The following PPM1H variants were observed in gnomAD, a reference collection of about 807,000 sequenced individuals.
PPM1H encodes protein phosphatase, Mg2+/Mn2+ dependent 1H, also known as protein phosphatase 1H.
In PPM1H, 27 loss-of-function variants were observed where a neutral mutation model predicts 54.9. That is an observed-to-expected ratio of 0.49 (90% CI 0.36 to 0.68). PPM1H has a LOEUF of 0.68. PPM1H is among the 30% of genes least tolerant of loss of function. The pLI is 0.00. For synonymous variants in PPM1H, 305 were observed against 270.8 expected, an observed-to-expected ratio of 1.13 and a Z score of -1.24; for missense variants, 596 against 667.8, an observed-to-expected ratio of 0.89 and a Z score of 1.19.
rs1328918144 is a variant in PPM1H, at chr12:62,804,674, TTC to T, written c.412-2516_412-2515del. Among the ~76,000 whole-genome samples the T allele has an allele frequency of 2.2e-3, 310 of 142,136 alleles. 12 individuals are homozygous for T. Among genetic ancestry groups the T allele is most frequent in the African/African-American group, 5.9e-3 (217 of 36,962 alleles). The allele number at this position is 142,136 out of a possible 152,430, so 93.2% of individuals were successfully genotyped here. ...TTCATTTTGGTTAATTTCTTTTTTT[TTC>T]TTTTTTTTTTTTTTTTTGAGACGGA... On this transcript the variant is annotated intron_variant, in intron 2 of 9. Coordinates refer to ENST00000228705, the MANE Select transcript of PPM1H (RefSeq NM_020700.2).
chr12:62,822,375 T>A (rs1176656887), intron 2 of PPM1H, among the ~76,000 whole-genome samples: 1 of 152,182 alleles, frequency 6.6e-6, no homozygotes, highest in Non-Finnish European at 1.5e-5. Context: ...TATCCAGGAC[T>A]TGAACTCAGC....
At position 62,788,275 on chromosome 12, in the gene PPM1H, C is replaced by T. The variant is rs149789565; in HGVS notation, c.820G>A (p.Val274Met). 2 of 1,599,506 alleles carry T rather than the reference C, an allele frequency of 1.3e-6. No homozygotes were observed. The highest frequency in any genetic ancestry group is 2.2e-5 in the East Asian group (1 of 44,568). Residue 274 changes from valine to methionine, a missense_variant, in exon 4 of 10, where the codon GTG (valine) becomes ATG (methionine). Val to Met is a conservative substitution (Grantham distance 21). Transcript: ENST00000228705. ...TACAGCTTCCCCAAAAGGCAAATCACAATGAGGGCCGTGCAGCCACCAGAT... is the reference window on the plus strand; with the variant it reads ...TACAGCTTCCCCAAAAGGCAAATCATAATGAGGGCCGTGCAGCCACCAGAT... Reference protein sequence around the residue: ...NISGGCTALIVICLLGKLYVA... With the variant: ...NISGGCTALIMICLLGKLYVA...
chr12:62,912,931 C>T (rs1321242163), intron 1 of PPM1H, among the ~76,000 whole-genome samples: 2 of 152,162 alleles, frequency 1.3e-5, no homozygotes, highest in Non-Finnish European at 2.9e-5. Flanking sequence ...TCCACAGGCA[C>T]GGAGTATCCA....
At chr12:62,775,443 C>A (rs996778489) in intron 4 of PPM1H, among the ~76,000 whole-genome samples, 7 of 152,172 alleles carry the variant, frequency 4.6e-5, no homozygotes, top group African/African-American at 1.7e-4. Context: ...TAAGATTCTA[C>A]CAGAAAGCGT....
At chr12:62,932,078 CTGACTT>C (rs1872155001) in intron 1 of PPM1H, among the ~76,000 whole-genome samples, 1 of 147,456 alleles carries the variant, frequency 6.8e-6, no homozygotes, top group Non-Finnish European at 1.5e-5. Flanking sequence ...GGAAGAGGGG[CTGACTT>C]TTTTTTTTTT....
intron 1 of PPM1H, among the ~76,000 whole-genome samples, chr12:62,909,703 A>G (rs1162458133): frequency 6.6e-6 from 1 of 152,162 alleles, no homozygotes; most frequent in Non-Finnish European, 1.5e-5. Flanking sequence ...CTGCACTTAC[A>G]GGTAGCTGTC....
intron 4 of PPM1H, among the ~76,000 whole-genome samples, chr12:62,757,309 C>T (rs1479390944): frequency 1.3e-5 from 2 of 151,978 alleles, no homozygotes; most frequent in Non-Finnish European, 2.9e-5. Context: ...ATTAGTTATG[C>T]CAAAAGTGGA....
chr12:62,899,543 A>G (rs1302562001), intron 1 of PPM1H, among the ~76,000 whole-genome samples: 1 of 152,244 alleles, frequency 6.6e-6, no homozygotes, highest in Non-Finnish European at 1.5e-5. Flanking sequence ...AAAAGGATGC[A>G]CTTTGACATT....
chr12:62,705,470 C>T (rs1202321384), intron 6 of PPM1H, among the ~76,000 whole-genome samples: 3 of 152,080 alleles, frequency 2.0e-5, no homozygotes, highest in Admixed American at 6.6e-5. Flanking sequence ...CCTTTTGATT[C>T]GTAGGCTGAG....
At chr12:62,842,760 A>C (rs1461394997) in intron 1 of PPM1H, among the ~76,000 whole-genome samples, 1 of 152,224 alleles carries the variant, frequency 6.6e-6, no homozygotes, top group East Asian at 1.9e-4. Flanking sequence ...CTAAACATAC[A>C]GCAAAGCAGG....
intron 1 of PPM1H, among the ~76,000 whole-genome samples, chr12:62,876,197 T>C (rs1373254679): frequency 6.6e-6 from 1 of 152,194 alleles, no homozygotes; most frequent in Non-Finnish European, 1.5e-5. Flanking sequence ...GGATTTGAGA[T>C]CTAAAAACAA....
chr12:62,845,151 A>G (rs1426584710), intron 1 of PPM1H, among the ~76,000 whole-genome samples: 2 of 152,252 alleles, frequency 1.3e-5, no homozygotes, highest in Non-Finnish European at 2.9e-5. Context: ...AAGGAGGGAA[A>G]TTCCAAAGGT....
chr12:62,725,475 G>C (rs1172197478), intron 5 of PPM1H, among the ~76,000 whole-genome samples: 6 of 152,138 alleles, frequency 3.9e-5, no homozygotes, highest in Non-Finnish European at 8.8e-5. Flanking sequence ...AAACAGCCTT[G>C]CTAAATTCTC....
At chr12:62,704,354 G>A (rs546851440) in intron 6 of PPM1H, among the ~76,000 whole-genome samples, 1 of 152,256 alleles carries the variant, frequency 6.6e-6, no homozygotes, top group African/African-American at 2.4e-5. Context: ...TGTATAGCAG[G>A]CTTTAAGTAT....
Position 62,648,522 on chromosome 12 carries a change from G to A in PPM1H, c.1512C>T (p.Val504=). 1 of 1,613,952 alleles carries A rather than the reference G, an allele frequency of 6.2e-7. No homozygotes were observed. Among genetic ancestry groups the A allele is most frequent in the South Asian group, 1.1e-5 (1 of 91,072 alleles). ...LGSGDDISVY[V]IPLIHGNKLS is the part of the protein sequence containing the mutation. ...GCTTGTTTCCATGTATTAAAGGAAT[G>A]ACATATACAGAAATGTCGTCTCCTG... is the stretch of plus-strand genomic sequence containing the variant. Residue 504 remains valine (V), a synonymous_variant, in exon 10 of 10, where the codon GTC becomes GTT. Transcript: ENST00000228705.
intron 4 of PPM1H, chr12:62,755,453 T>C (rs2076467560): frequency 1.4e-6 from 1 of 691,204 alleles, no homozygotes; most frequent in Non-Finnish European, 2.7e-6. Flanking sequence ...ATCACCATCT[T>C]CCAGGAGCGA....
chr12:62,861,833 A>C lies in PPM1H; in HGVS notation c.246-29554T>G, dbSNP rs141329938. The stretch of plus-strand genomic sequence containing the variant: ...CCTTCTAAAGGGGCAGCTTGTACAC[A>C]GCTCCAGCTGCCTGGGAATATGGCT... On this transcript the variant is annotated intron_variant, in intron 1 of 9. Transcript: ENST00000228705. Among the ~76,000 whole-genome samples the C allele has an allele frequency of 4.0e-3, 604 of 152,342 alleles. 5 individuals carry two copies. Among genetic ancestry groups the C allele is most frequent in the African/African-American group, 0.014 (566 of 41,574 alleles).
intron 2 of PPM1H, among the ~76,000 whole-genome samples, chr12:62,814,801 G>A (rs2076855938): frequency 6.6e-6 from 1 of 152,068 alleles, no homozygotes; most frequent in Non-Finnish European, 1.5e-5. Flanking sequence ...TTTCTACCCC[G>A]TCTCTCCCAC....
intron 1 of PPM1H, among the ~76,000 whole-genome samples, chr12:62,846,654 AC>A (rs1565807989): frequency 6.6e-6 from 1 of 151,776 alleles, no homozygotes; most frequent in Non-Finnish European, 1.5e-5. Context: ...TACAAAAAGC[AC>A]CCAGTTGCTA....
Sources: allele counts gnomAD v4.1 joint callset (sites outside exome capture counted in the v4.1 genomes callset), GRCh38; gene constraint gnomAD v4.1.1; transcripts MANE v1.5; gene names NCBI Gene and HGNC (gene_info 2026-07-23, HGNC 2026-07-21).